Variants in NAP1L1 observed in about 807,000 individuals in gnomAD.
The protein encoded by NAP1L1 is nucleosome assembly protein 1-like 1.
Under a neutral mutation model 58.9 loss-of-function variants are expected in NAP1L1, and 9 were observed. That is an observed-to-expected ratio of 0.15 (90% CI 0.09 to 0.27). The LOEUF (loss-of-function observed/expected upper bound fraction) is 0.27, where lower values mean the gene tolerates loss of function less well. Among genes scored for constraint, NAP1L1 ranks in the 10% least tolerant of loss-of-function variants. The pLI, the probability that NAP1L1 is intolerant of heterozygous loss-of-function variation, is 1.00. For synonymous variants in NAP1L1, 130 were observed against 138.3 expected (o/e 0.94, Z 0.42); for missense variants, 302 against 458.8 (o/e 0.66, Z 3.12).
At position 76,047,799 on chromosome 12, in the gene NAP1L1, C is replaced by G. The variant is rs1047968627; in HGVS notation, c.*630G>C. ...AATTCAGGCTAACTTCTGAAAATCC[C>G]GTTTTATTCACCTCACTGTGGTACC... On this transcript the variant is annotated 3_prime_UTR_variant, in exon 15 of 15. Coordinates refer to ENST00000618691, the MANE Select transcript of NAP1L1 (RefSeq NM_004537.7). The G allele has an allele frequency of 6.6e-6, 1 of 151,936 alleles. No homozygotes were observed. The highest frequency in any genetic ancestry group is 1.9e-4 in the East Asian group (1 of 5,188). 9.4% of individuals were successfully genotyped at this position (151,936 alleles called of 1,614,324 possible). A position where few individuals can be genotyped will look rare whatever the true frequency, so the allele number is the denominator to read the frequency against.
chr12:76,065,334 A>G (rs1949612102), intron 4 of NAP1L1, among the ~76,000 whole-genome samples: 1 of 152,114 alleles, frequency 6.6e-6, no homozygotes, highest in Non-Finnish European at 1.5e-5. Context: ...ATGAATAGAA[A>G]TAAGACAAAG....
intron 7 of NAP1L1, 58 bp from the exon 8 acceptor site, chr12:76,055,148 TTA>T: frequency 8.3e-7 from 1 of 1,204,810 alleles, no homozygotes; most frequent in Non-Finnish European, 1.2e-6. Flanking sequence ...CTGTGTTCTG[TTA>T]CTACACAAAC....
intron 2 of NAP1L1, among the ~76,000 whole-genome samples, chr12:76,073,174 A>G (rs1406651293): frequency 6.6e-6 from 1 of 152,182 alleles, no homozygotes; most frequent in African/African-American, 2.4e-5. Context: ...TTAATGCTGA[A>G]GATAAAATGC....
chr12:76,055,960 C>T (rs1457907233), intron 7 of NAP1L1, 73 bp downstream of exon 7: 7 of 1,459,348 alleles, frequency 4.8e-6, no homozygotes, highest in Middle Eastern at 2.4e-4. Flanking sequence ...CTGAAGAGAA[C>T]AGTGATCACA....
At chr12:76,049,008 G>GTT in intron 14 of NAP1L1, 192 bp downstream of exon 14, 2 of 570,344 alleles carry the variant, frequency 3.5e-6, no homozygotes, top group South Asian at 5.3e-5. Context: ...AAAAAACAAT[G>GTT]TTTTTTAGAA....
chr12:76,084,011 T>A (rs1950510714), intron 1 of NAP1L1: 1 of 151,238 alleles, frequency 6.6e-6, no homozygotes, highest in Non-Finnish European at 1.5e-5. Context: ...CCCGGGAGCG[T>A]CGCAGCCTCC....
chr12:76,081,087 T>A (rs935672698), intron 1 of NAP1L1, among the ~76,000 whole-genome samples: 5 of 151,742 alleles, frequency 3.3e-5, no homozygotes, highest in Middle Eastern at 3.4e-3. Context: ...TCTTTTTTTT[T>A]AAATAAATTA....
intron 1 of NAP1L1, chr12:76,083,694 T>A (rs1354165273): frequency 6.6e-6 from 1 of 152,234 alleles, no homozygotes; most frequent in East Asian, 1.9e-4. Context: ...ATATACGCGT[T>A]AACTTTTTAA....
chr12:76,076,509 A>G (rs997786028), intron 1 of NAP1L1, among the ~76,000 whole-genome samples: 15 of 148,376 alleles, frequency 1.0e-4, no homozygotes, highest in African/African-American at 3.8e-4. Context: ...ACACTAAAGC[A>G]AGGTATAGGA....
Position 76,047,398 on chromosome 12 carries a change from C to G in NAP1L1, c.*1031G>C, listed in dbSNP as rs1395962158. 1.4e-4 allele frequency: 21 copies of G among 144,972 alleles called. No homozygotes were observed. The highest frequency in any genetic ancestry group is 1.4e-3 in the Admixed American group (21 of 14,532). The allele number at this position is 144,972 out of a possible 1,614,324, so 9.0% of individuals were successfully genotyped here. On this transcript the variant is annotated 3_prime_UTR_variant, in exon 15 of 15. Coordinates refer to ENST00000618691, the MANE Select transcript of NAP1L1 (RefSeq NM_004537.7). Reference sequence around the variant, plus strand: ...TTTTTTTTTTTTTTTTAAAAGAAAACAGCATCAATCACTTAAGATTTTCTT... The same window carrying G: ...TTTTTTTTTTTTTTTTAAAAGAAAAGAGCATCAATCACTTAAGATTTTCTT...
chr12:76,057,756 A>T, intron 6 of NAP1L1: 1 of 1,550,352 alleles, frequency 6.5e-7, no homozygotes, highest in Non-Finnish European at 8.7e-7. Context: ...TGGAAAATTC[A>T]CCCAAACAAG....
Position 76,049,190 on chromosome 12 carries a change from T to A in NAP1L1, c.1140+10A>T. 1 of 1,611,236 alleles carries A rather than the reference T, an allele frequency of 6.2e-7. No homozygotes were observed. Among genetic ancestry groups the A allele is most frequent in the Non-Finnish European group, 8.5e-7 (1 of 1,177,802 alleles). Reference sequence around the variant, plus strand: ...TAAATTTAATAGAAAGCAGCACTAATTTTGCTCACCTTTGGGTCATAGTCT... The same window carrying A: ...TAAATTTAATAGAAAGCAGCACTAAATTTGCTCACCTTTGGGTCATAGTCT... On this transcript the variant is annotated intron_variant, in intron 14 of 14. Coordinates refer to ENST00000618691, the MANE Select transcript of NAP1L1 (RefSeq NM_004537.7).
At position 76,041,112 on chromosome 12, in the gene NAP1L1, A is replaced by G. The variant is rs564980439; in HGVS notation, c.*7317T>C. 2.0e-5 allele frequency: 3 copies of G among 152,360 alleles called. No individual in the cohort carries two copies. Among genetic ancestry groups the G allele is most frequent in the Admixed American group, 2.0e-4 (3 of 15,300 alleles). 9.4% of individuals were successfully genotyped at this position (152,360 alleles called of 1,614,324 possible). On this transcript the variant is annotated 3_prime_UTR_variant, in exon 15 of 15. Coordinates refer to ENST00000618691, the MANE Select transcript of NAP1L1 (RefSeq NM_004537.7). ...TCATTGGTTTTCTCAATCTACAGGA[A>G]TATGACAACTACAAAAGACCTTAGA... is the stretch of plus-strand genomic sequence containing the variant.
intron 1 of NAP1L1, among the ~76,000 whole-genome samples, chr12:76,076,552 ATATATAT>A (rs1950182490): frequency 2.1e-4 from 1 of 4,678 alleles, no homozygotes; most frequent in Admixed American, 2.0e-3. Flanking sequence ...ATATGGAAAT[ATATATAT>A]ATATATATAT....
chr12:76,061,757 C>T (rs1165754528), intron 4 of NAP1L1, among the ~76,000 whole-genome samples: 3 of 152,198 alleles, frequency 2.0e-5, no homozygotes, highest in Admixed American at 6.5e-5. Context: ...TACTTAGCCA[C>T]CAGTTTACTT....
chr12:76,056,229 T>A, intron 6 of NAP1L1, 68 bp from the exon 7 acceptor site: 1 of 1,499,862 alleles, frequency 6.7e-7, no homozygotes, highest in Non-Finnish European at 9.0e-7. Context: ...AGCAAAGGTA[T>A]AAAAACCAAA....
chr12:76,058,163 C>T, intron 6 of NAP1L1: 1 of 626,340 alleles, frequency 1.6e-6, no homozygotes, highest in South Asian at 1.5e-5. Context: ...CCTGAACTGA[C>T]AGTAGATATG....
chr12:76,072,610 AAAT>A (rs909716424), intron 2 of NAP1L1, among the ~76,000 whole-genome samples: 29 of 152,330 alleles, frequency 1.9e-4, no homozygotes, highest in African/African-American at 5.1e-4. Context: ...TAAGAGAAAA[AAAT>A]AATAATGTGA....
chr12:76,076,231 G>A (rs1487548092), intron 1 of NAP1L1, among the ~76,000 whole-genome samples: 1 of 152,024 alleles, frequency 6.6e-6, no homozygotes, highest in South Asian at 2.1e-4. Flanking sequence ...AAGATTTCTT[G>A]GTTGTACACA....
Sources: gnomAD v4.1 joint callset for allele counts (sites outside exome capture counted in the v4.1 genomes callset) on GRCh38, gnomAD v4.1.1 for gene constraint, MANE v1.5 for transcripts, NCBI Gene and HGNC (gene_info 2026-07-23, HGNC 2026-07-21) for gene names.